The following PPP1R37 variants were observed in gnomAD, a reference collection of about 807,000 sequenced individuals.
PPP1R37 encodes protein phosphatase 1 regulatory subunit 37, also known as leucine rich repeat containing 68.
Under a neutral mutation model 61.0 loss-of-function variants are expected in PPP1R37, and 21 were observed. That is an observed-to-expected ratio of 0.34 (90% confidence interval 0.24 to 0.50). The LOEUF is 0.50. Among genes scored for constraint, PPP1R37 ranks in the 20% least tolerant of loss-of-function variants. The pLI is 0.98. For synonymous variants in PPP1R37, 443 were observed against 433.5 expected (o/e 1.02, Z -0.27); for missense variants, 910 against 952.7 (o/e 0.96, Z 0.59).
chr19:45,133,115 TTGCCCAG>T (rs1282686204), intron 1 of PPP1R37, among the ~76,000 whole-genome samples: 25 of 152,346 alleles, frequency 1.6e-4, no homozygotes, highest in African/African-American at 6.0e-4. Flanking sequence ...TTCACTCTTG[TTGCCCAG>T]GCTGGAGTGC....
At chr19:45,137,468 C>CG (rs1568449114) in intron 1 of PPP1R37, among the ~76,000 whole-genome samples, 1 of 152,214 alleles carries the variant, frequency 6.6e-6, no homozygotes, top group African/African-American at 2.4e-5. Flanking sequence ...CGCATGGTGG[C>CG]GGCTGTGGCC....
chr19:45,144,814 A>C, intron 8 of PPP1R37, 40 bp from the exon 9 acceptor site: 1 of 1,489,320 alleles, frequency 6.7e-7, no homozygotes, highest in Non-Finnish European at 9.0e-7. Context: ...CTCCTCCGCC[A>C]TCACGGCCTC....
At position 45,145,758 on chromosome 19, in the gene PPP1R37, G is replaced by A. The variant is rs941780257; in HGVS notation, c.1702G>A (p.Val568Met). The A allele has an allele frequency of 1.3e-6, 2 of 1,523,304 alleles. No homozygotes were observed. Among genetic ancestry groups the A allele is most frequent in the African/African-American group, 1.4e-5 (1 of 72,794 alleles). 94.4% of individuals were successfully genotyped at this position (1,523,304 alleles called of 1,614,324 possible). A position where few individuals can be genotyped will look rare whatever the true frequency, so the allele number is the denominator to read the frequency against. ...SVSSPGRGHK[V>M]FVVTRVESPP... ...GTCCAGCCCGGGCCGGGGCCACAAG[G>A]TGTTTGTGGTGACCCGGGTGGAGAG... The change falls in exon 11 of 13, where the codon GTG (valine) becomes ATG (methionine). Residue 568 changes from valine to methionine, a missense_variant. Val to Met is a conservative substitution (Grantham distance 21). Around this residue, in one of 3 missense-constraint regions of PPP1R37, gnomAD observed 549 missense variants for 505.1 expected, o/e 1.09. Transcript: ENST00000221462.
At chr19:45,102,784 C>T (rs894331227) in intron 1 of PPP1R37, among the ~76,000 whole-genome samples, 2 of 152,182 alleles carry the variant, frequency 1.3e-5, no homozygotes, top group Admixed American at 1.3e-4. Flanking sequence ...AGAGCCAGGC[C>T]TGGGGCCCAC....
Position 45,141,407 on chromosome 19 carries a change from G to A in PPP1R37, c.533G>A (p.Arg178Gln), listed in dbSNP as rs1599711553. ...NISFNKHIGT[R>Q]GWQAAAHMMR... is the part of the protein sequence containing the mutation. ...TCCTTCAACAAGCACATCGGCACCC[G>A]GGGCTGGCAGGCGGCCGCCCACATG... The change falls in exon 5 of 13, where the codon CGG (arginine) becomes CAG (glutamine). Residue 178 changes from arginine to glutamine, a missense_variant. By Grantham distance (43) the Arg-to-Gln change is conservative. Around this residue, in one of 3 missense-constraint regions of PPP1R37, gnomAD observed 280 missense variants for 382.2 expected, o/e 0.73. Transcript: ENST00000221462. 4.6e-6 allele frequency: 7 copies of A among 1,535,798 alleles called. No homozygotes were observed. Among genetic ancestry groups the A allele is most frequent in the Admixed American group, 2.0e-5 (1 of 50,952 alleles).
rs755923478 is a variant in PPP1R37 at position 45,142,413 on chromosome 19, T to C, written c.829T>C (p.Ser277Pro). The change falls in exon 7 of 13, where the codon TCC (serine) becomes CCC (proline). Residue 277 changes from serine (S) to proline (P), a missense_variant. Transcript: ENST00000221462. ...QLGNLLKFNC[S>P]LQILDLRNNH... Reference sequence around the variant, plus strand: ...GGGTAACCTGCTCAAGTTCAACTGCTCCCTGCAGATCCTGGACCTCCGGAA... The same window carrying C: ...GGGTAACCTGCTCAAGTTCAACTGCCCCCTGCAGATCCTGGACCTCCGGAA... 6.5e-7 allele frequency: 1 copy of C among 1,535,936 alleles called. No individual in the cohort carries two copies. The highest frequency in any genetic ancestry group is 1.2e-5 in the South Asian group (1 of 84,060).
At chr19:45,123,166 T>C (rs1205921555) in intron 1 of PPP1R37, among the ~76,000 whole-genome samples, 1 of 151,854 alleles carries the variant, frequency 6.6e-6, no homozygotes, top group East Asian at 1.9e-4. Context: ...GTCTCACTGA[T>C]TGTGCAGAAG....
Position 45,140,498 on chromosome 19 carries a change from C to T in PPP1R37, c.347-8C>T. 1.3e-6 allele frequency: 2 copies of T among 1,531,468 alleles called. No individual in the cohort carries two copies. The highest frequency in any genetic ancestry group is 1.2e-5 in the South Asian group (1 of 83,980). 94.9% of individuals were successfully genotyped at this position (1,531,468 alleles called of 1,614,324 possible). ...TTAGACATGCGCACGGCTGCTGTCT[C>T]CCCCCAGGTGAGAAGCTTGACTACA... On this transcript the variant is annotated splice_region_variant and splice_polypyrimidine_tract_variant and intron_variant, in intron 3 of 12. Coordinates refer to ENST00000221462, the MANE Select transcript of PPP1R37 (RefSeq NM_019121.2).
chr19:45,130,440 C>T lies in PPP1R37; in HGVS notation c.203-8074C>T, dbSNP rs555015816. Reference sequence around the variant, plus strand: ...GTGCTCCCCTCCCGGTGTGCTTTGGCGCCGAGCCTGCTCCCACCGTCACAC... The same window carrying T: ...GTGCTCCCCTCCCGGTGTGCTTTGGTGCCGAGCCTGCTCCCACCGTCACAC... On this transcript the variant is annotated intron_variant, in intron 1 of 12. Coordinates refer to ENST00000221462, the MANE Select transcript of PPP1R37 (RefSeq NM_019121.2). The surrounding 1 kb of genome is among the most constrained non-coding windows in gnomAD (Gnocchi z 4.4). Among the ~76,000 whole-genome samples the T allele has an allele frequency of 6.6e-6, 1 of 152,022 alleles. No homozygotes were observed. Among genetic ancestry groups the T allele is most frequent in the African/African-American group, 2.4e-5 (1 of 41,380 alleles).
intron 8 of PPP1R37, 29 bp from the exon 9 acceptor site, chr19:45,144,825 C>T: frequency 4.6e-6 from 7 of 1,509,014 alleles, no homozygotes; most frequent in Admixed American, 2.0e-5. Context: ...TCACGGCCTC[C>T]TCCTCACCCT....
chr19:45,107,315 A>T (rs938726412), intron 1 of PPP1R37, among the ~76,000 whole-genome samples: 2 of 152,010 alleles, frequency 1.3e-5, no homozygotes, highest in Non-Finnish European at 2.9e-5. Flanking sequence ...ATTAAAAAAA[A>T]GGGGAGCCAG....
At chr19:45,128,542 G>T (rs141418335) in intron 1 of PPP1R37, 9 of 1,196,176 alleles carry the variant, frequency 7.5e-6, no homozygotes, top group Non-Finnish European at 1.1e-5. Context: ...GTGTGTTTGC[G>T]AGAGCTGGAA....
chr19:45,141,105 G>T (rs981977520), intron 4 of PPP1R37, among the ~76,000 whole-genome samples: 1 of 152,190 alleles, frequency 6.6e-6, no homozygotes, highest in African/African-American at 2.4e-5. Context: ...AAGGACTTTG[G>T]AGGGCAAGTG....
Position 45,138,531 on chromosome 19 carries a change from G to A in PPP1R37, c.220G>A (p.Asp74Asn). ...PWRHAQNVTV[D>N]EVIGAYKQAC... ...GCCTGCAGCCCAGAATGTGACCGTG[G>A]ACGAGGTCATCGGCGCCTACAAGCA... is the stretch of plus-strand genomic sequence containing the variant. The change falls in exon 2 of 13, where the codon GAC (aspartate) becomes AAC (asparagine). Residue 74 changes from aspartate (D) to asparagine (N), a missense_variant. Around this residue, in one of 3 missense-constraint regions of PPP1R37, gnomAD observed 280 missense variants for 382.2 expected, o/e 0.73. Coordinates refer to ENST00000221462, the MANE Select transcript of PPP1R37 (RefSeq NM_019121.2). 1 of 1,535,562 alleles carries A rather than the reference G, an allele frequency of 6.5e-7. No homozygotes were observed. Among genetic ancestry groups the A allele is most frequent in the Non-Finnish European group, 8.7e-7 (1 of 1,146,578 alleles).
In PPP1R37 at chr19:45,144,938, A is replaced by G. The variant is rs2122759331; in HGVS notation, c.1072A>G (p.Ile358Val). 1 of 1,535,758 alleles carries G rather than the reference A, an allele frequency of 6.5e-7. No individual in the cohort carries two copies. The highest frequency in any genetic ancestry group is 8.7e-7 in the Non-Finnish European group (1 of 1,146,710). The change falls in exon 9 of 13, where the codon ATC becomes GTC. Residue 358 changes from isoleucine (I) to valine (V), a missense_variant. Transcript: ENST00000221462. The stretch of plus-strand genomic sequence containing the variant: ...TGTGCGGCACCTCAAGAACGGGCTC[A>G]TCAGCAACCGCAGCGTGCTGCGCCT... ...EGVRHLKNGLISNRSVLRLGL... is the reference protein window; with the variant it reads ...EGVRHLKNGLVSNRSVLRLGL...
chr19:45,143,371 T>TCTGGTGCCCAGGGGCA lies in PPP1R37; in HGVS notation c.875-150_875-149insCTGGTGCCCAGGGGCA. 4 of 569,738 alleles carry TCTGGTGCCCAGGGGCA rather than the reference T, an allele frequency of 7.0e-6. No homozygotes were observed. In the South Asian group the frequency reaches 8.3e-5, roughly 12 times the overall value. 35.3% of individuals were successfully genotyped at this position (569,738 alleles called of 1,614,324 possible). A position where few individuals can be genotyped will look rare whatever the true frequency, so the allele number is the denominator to read the frequency against. ...GGGGTCACAGATGTGTGCCCAGGGG[T>TCTGGTGCCCAGGGGCA]GCCAGGCCGAGGCAGGGCTGCAGGG... On this transcript the variant is annotated intron_variant, in intron 7 of 12. Transcript: ENST00000221462.
chr19:45,102,265 C>A (rs573689055), intron 1 of PPP1R37, among the ~76,000 whole-genome samples: 1 of 152,224 alleles, frequency 6.6e-6, no homozygotes, highest in Admixed American at 6.5e-5. Flanking sequence ...GATTCTAAAA[C>A]ACGTCTGGCC....
At chr19:45,127,007 C>T (rs907931834) in intron 1 of PPP1R37, among the ~76,000 whole-genome samples, 2 of 152,158 alleles carry the variant, frequency 1.3e-5, no homozygotes, top group African/African-American at 2.4e-5. Context: ...CTGAGAACTG[C>T]GTCGTTAGGT....
At chr19:45,139,406 G>T (rs767785580) in intron 2 of PPP1R37, among the ~76,000 whole-genome samples, 2 of 152,250 alleles carry the variant, frequency 1.3e-5, no homozygotes, top group South Asian at 2.1e-4. Flanking sequence ...GCTATTGAGG[G>T]GTACCTGCTG....
Sources: allele counts gnomAD v4.1 joint callset (sites outside exome capture counted in the v4.1 genomes callset), GRCh38; gene constraint gnomAD v4.1.1; regional missense constraint gnomAD v4.1.1; non-coding constraint Gnocchi (gnomAD v3.1); transcripts MANE v1.5; gene names NCBI Gene and HGNC (gene_info 2026-07-23, HGNC 2026-07-21).